NRG3: variants seen among roughly 807,000 people sequenced by gnomAD.
NRG3 encodes the protein neuregulin 3.
A neutral mutation model predicts 66.9 loss-of-function variants in NRG3; 31 were observed. That is an observed-to-expected ratio of 0.46 (90% CI 0.35 to 0.63). NRG3 has a LOEUF of 0.63. NRG3 is among the 20% of genes least tolerant of loss of function. The probability of loss-of-function intolerance (pLI) is 0.00; values close to 1 mark genes in which losing one functional copy is unlikely to be tolerated. For missense variants in NRG3, 910 were observed against 878.9 expected (o/e 1.04, Z -0.45); for synonymous variants, 393 against 359.4 (o/e 1.09, Z -1.06).
At chr10:82,227,091 G>A (rs1262211495) in intron 1 of NRG3, among the ~76,000 whole-genome samples, 1 of 152,050 alleles carries the variant, frequency 6.6e-6, no homozygotes, top group African/African-American at 2.4e-5. Context: ...CCTTTGTCAG[G>A]TCTCTCATGG....
intron 2 of NRG3, among the ~76,000 whole-genome samples, chr10:82,687,930 G>A (rs2134176556): frequency 6.6e-6 from 1 of 152,186 alleles, no homozygotes. Flanking sequence ...TCTAGACATT[G>A]CAGGTCCCAG....
chr10:82,331,042 T>C (rs1317108748), intron 1 of NRG3, among the ~76,000 whole-genome samples: 1 of 152,198 alleles, frequency 6.6e-6, no homozygotes, highest in Admixed American at 6.5e-5. Context: ...TAGTCATCTG[T>C]ATTCTACGGC....
intron 4 of NRG3, among the ~76,000 whole-genome samples, chr10:82,879,002 T>C (rs1842066498): frequency 6.6e-6 from 1 of 152,198 alleles, no homozygotes; most frequent in Non-Finnish European, 1.5e-5. Context: ...GTTGATTCCT[T>C]CTCATAATAA....
chr10:82,873,047 G>A (rs1330821958), intron 4 of NRG3, among the ~76,000 whole-genome samples: 2 of 152,054 alleles, frequency 1.3e-5, no homozygotes, highest in African/African-American at 4.8e-5. Context: ...ATCCCATTGA[G>A]GAAGCCATGC....
chr10:82,498,283 A>AT (rs1190025635), intron 2 of NRG3, among the ~76,000 whole-genome samples: 5 of 151,182 alleles, frequency 3.3e-5, no homozygotes, highest in South Asian at 2.1e-4. Flanking sequence ...CTTTGTGTTG[A>AT]TTTTTTTTTG....
intron 2 of NRG3, among the ~76,000 whole-genome samples, chr10:82,404,581 G>A (rs1176351480): frequency 6.6e-6 from 1 of 152,144 alleles, no homozygotes; most frequent in Non-Finnish European, 1.5e-5. Context: ...ATGAATGAAT[G>A]AAGGATGAAT....
rs553156112 is a variant in NRG3 at position 82,082,788 on chromosome 10, C to T, written c.823+206625C>T. On this transcript the variant is annotated intron_variant, in intron 1 of 8. Coordinates refer to ENST00000372141, the MANE Select transcript of NRG3 (RefSeq NM_001010848.4). ...CAAAGATCCCTTCTGGTTGGAGGCCCTGGGTCTCCAATTGACCCTTCAAAT... is the reference window on the plus strand; with the variant it reads ...CAAAGATCCCTTCTGGTTGGAGGCCTTGGGTCTCCAATTGACCCTTCAAAT... Among the ~76,000 whole-genome samples the T allele has an allele frequency of 8.3e-4, 127 of 152,276 alleles. 1 individual carries two copies. Among genetic ancestry groups the T allele is most frequent in the African/African-American group, 2.8e-3 (116 of 41,564 alleles).
At chr10:82,218,558 C>A (rs1372680543) in intron 1 of NRG3, among the ~76,000 whole-genome samples, 2 of 152,154 alleles carry the variant, frequency 1.3e-5, no homozygotes, top group East Asian at 3.9e-4. Context: ...TCAGAACTCT[C>A]CTTTGCTACT....
chr10:82,602,586 G>T (rs946402266), intron 2 of NRG3, among the ~76,000 whole-genome samples: 1 of 152,044 alleles, frequency 6.6e-6, no homozygotes, highest in Non-Finnish European at 1.5e-5. Flanking sequence ...AATTATCCAA[G>T]CCAGGAAAAA....
chr10:81,958,894 G>GA (rs946668203), intron 1 of NRG3, among the ~76,000 whole-genome samples: 10 of 150,226 alleles, frequency 6.7e-5, no homozygotes, highest in East Asian at 3.9e-4. Context: ...CTGTCTCAAA[G>GA]AAAAAAAAAT....
intron 1 of NRG3, among the ~76,000 whole-genome samples, chr10:82,236,939 T>G (rs989337978): frequency 6.6e-6 from 1 of 152,058 alleles, no homozygotes; most frequent in Non-Finnish European, 1.5e-5. Context: ...ATGGTCTCGA[T>G]CTCCTGACCT....
chr10:82,057,729 C>T (rs1040793102), intron 1 of NRG3, among the ~76,000 whole-genome samples: 17 of 152,084 alleles, frequency 1.1e-4, no homozygotes, highest in African/African-American at 4.1e-4. Context: ...TCACTGCCTC[C>T]TCTTCGTCCT....
intron 2 of NRG3, among the ~76,000 whole-genome samples, chr10:82,525,809 A>C (rs1482360256): frequency 6.6e-6 from 1 of 152,016 alleles, no homozygotes; most frequent in African/African-American, 2.4e-5. Flanking sequence ...TTTATGAAAT[A>C]AAAGGTGAAT....
chr10:82,835,034 AC>A (rs1450822888), intron 3 of NRG3, among the ~76,000 whole-genome samples: 1 of 152,180 alleles, frequency 6.6e-6, no homozygotes, highest in African/African-American at 2.4e-5. Flanking sequence ...CGAGGCTGGC[AC>A]CTTTTCTCAA....
chr10:82,006,116 T>C (rs2061368150), intron 1 of NRG3, among the ~76,000 whole-genome samples: 1 of 152,106 alleles, frequency 6.6e-6, no homozygotes, highest in Non-Finnish European at 1.5e-5. Context: ...CATTCTAAAA[T>C]CAGTCAGATT....
intron 6 of NRG3, among the ~76,000 whole-genome samples, chr10:82,967,867 G>A (rs12416489): frequency 0.38 from 57,817 of 151,952 alleles, 11,842 homozygotes; most frequent in Middle Eastern, 0.48. Flanking sequence ...TGGAAGTATC[G>A]GCATTCTGCC....
chr10:82,277,013 T>C (rs1169274612), intron 1 of NRG3, among the ~76,000 whole-genome samples: 1 of 152,064 alleles, frequency 6.6e-6, no homozygotes, highest in Non-Finnish European at 1.5e-5. Flanking sequence ...TTTTTCTCCC[T>C]CATTATTGAA....
chr10:81,964,735 C>T (rs944676335), intron 1 of NRG3, among the ~76,000 whole-genome samples: 1 of 152,130 alleles, frequency 6.6e-6, no homozygotes, highest in Admixed American at 6.5e-5. Context: ...ACGGCCTCAT[C>T]AATGATGGCT....
At chr10:82,943,141 A>G (rs1278691116) in intron 4 of NRG3, among the ~76,000 whole-genome samples, 1 of 152,194 alleles carries the variant, frequency 6.6e-6, no homozygotes, top group Non-Finnish European at 1.5e-5. Flanking sequence ...AGAAAACGGA[A>G]AAAGGAAAGA....
Sources: gnomAD v4.1 joint callset for allele counts (sites outside exome capture counted in the v4.1 genomes callset) on GRCh38, gnomAD v4.1.1 for gene constraint, MANE v1.5 for transcripts, NCBI Gene and HGNC (gene_info 2026-07-23, HGNC 2026-07-21) for gene names.